RPS24: variants seen among roughly 807,000 people sequenced by gnomAD.
RPS24 encodes ribosomal protein S24, also known as small ribosomal subunit protein eS24.
For missense variants in RPS24, 100 were observed against 162.5 expected (o/e 0.62, Z 2.09); for synonymous variants, 72 against 55.6 (o/e 1.30, Z -1.31).
chr10:78,055,188 C>A, exon 5 of RPS24: 1 of 1,006,402 alleles, frequency 9.9e-7, no homozygotes, highest in Non-Finnish European at 1.3e-6. Context: ...CCTCCCCACG[C>A]CCCCACAATC....
At position 78,040,191 on chromosome 10, in the gene RPS24, G is replaced by T; in HGVS notation, c.391-13G>T. 1 of 1,612,790 alleles carries T rather than the reference G, an allele frequency of 6.2e-7. No homozygotes were observed. Among genetic ancestry groups the T allele is most frequent in the South Asian group, 1.1e-5 (1 of 91,042 alleles). ...CCTCCTTTCTCTTTTTCCCTTCCCC[G>T]CCACTGATTCAGTGAGCTGGAGATT... is the stretch of plus-strand genomic sequence containing the variant. On this transcript the variant is annotated splice_polypyrimidine_tract_variant and intron_variant, in intron 4 of 5. Coordinates refer to ENST00000372360, the MANE Select transcript of RPS24 (RefSeq NM_033022.4).
chr10:78,044,554 GCT>G (rs1848022345), downstream of RPS24, among the ~76,000 whole-genome samples: 1 of 151,998 alleles, frequency 6.6e-6, no homozygotes, highest in Non-Finnish European at 1.5e-5. Flanking sequence ...TGGCAGAGAG[GCT>G]CTCCTGGGTT....
intron 1 of RPS24, 138 bp from the exon 2 acceptor site, chr10:78,035,214 C>T: frequency 1.2e-6 from 1 of 819,714 alleles, no homozygotes; most frequent in East Asian, 2.6e-5. Flanking sequence ...TGGCCTTGCC[C>T]AGTGGGTTTT....
chr10:78,054,800 C>T lies in RPS24; in HGVS notation c.660C>T (p.Ala220=). Residue 220 remains alanine (A), a synonymous_variant, in exon 5 of 5, where the codon GCC becomes GCT. Transcript: ENST00000440692. ...AGAGGGCACTGGTCAGAAACGGAGC[C>T]TTCATGTCGCCTGCCTCACCTGCTC... The T allele has an allele frequency of 5.8e-6, 9 of 1,551,670 alleles. No homozygotes were observed. Among genetic ancestry groups the T allele is most frequent in the South Asian group, 1.2e-5 (1 of 84,060 alleles).
chr10:78,054,970 G>A (rs1848136786), exon 5 of RPS24: 1 of 1,483,960 alleles, frequency 6.7e-7, no homozygotes, highest in South Asian at 1.4e-5. Context: ...GAATCCAGCT[G>A]CTTCTCCCCA....
At chr10:78,052,819 A>G (rs7073533) in intron 4 of RPS24, among the ~76,000 whole-genome samples, 8,350 of 152,218 alleles carry the variant, frequency 0.055, 776 homozygotes, top group African/African-American at 0.19. Context: ...TGTGAAGCAT[A>G]TGGGGAAATG....
chr10:78,048,729 G>A (rs1848069564), intron 4 of RPS24, among the ~76,000 whole-genome samples: 1 of 152,072 alleles, frequency 6.6e-6, no homozygotes, highest in Non-Finnish European at 1.5e-5. Flanking sequence ...ACAAAAATTA[G>A]CCGGGCATGG....
intron 4 of RPS24, among the ~76,000 whole-genome samples, chr10:78,050,311 A>T (rs76959658): frequency 6.6e-6 from 1 of 152,262 alleles, no homozygotes; most frequent in East Asian, 1.9e-4. Flanking sequence ...CAAGATGCTG[A>T]CTGGTCTGTC....
At chr10:78,054,700 G>A (rs1489166232) in exon 5 of RPS24, 16 of 1,551,594 alleles carry the variant, frequency 1.0e-5, no homozygotes, top group South Asian at 3.6e-5. Flanking sequence ...AGGGGCTGTG[G>A]CAAGTATTTA....
At chr10:78,044,496 C>T (rs902145625), downstream of RPS24, among the ~76,000 whole-genome samples, 1 of 152,098 alleles carries the variant, frequency 6.6e-6, no homozygotes, top group African/African-American at 2.4e-5. Context: ...AAATAGTCTT[C>T]AGGTTGGCTG....
exon 5 of RPS24, chr10:78,055,028 C>T: frequency 6.9e-7 from 1 of 1,456,880 alleles, no homozygotes; most frequent in Non-Finnish European, 9.1e-7. Flanking sequence ...GCCATGGCCG[C>T]CTTGCTGCAT....
chr10:78,042,311 A>G (rs1564630975), downstream of RPS24, among the ~76,000 whole-genome samples: 2 of 152,052 alleles, frequency 1.3e-5, no homozygotes, highest in African/African-American at 4.8e-5. Context: ...CTTCTCTTCC[A>G]TCTAGTCCAT....
At chr10:78,055,014 C>T in exon 5 of RPS24, 3 of 1,459,592 alleles carry the variant, frequency 2.1e-6, no homozygotes, top group Non-Finnish European at 2.7e-6. Context: ...CCACTAATGT[C>T]ACTGCCATGG....
downstream of RPS24, among the ~76,000 whole-genome samples, chr10:78,041,294 A>C (rs888500558): frequency 1.3e-5 from 2 of 152,176 alleles, no homozygotes; most frequent in Admixed American, 6.5e-5. Flanking sequence ...GTTTTGGAGA[A>C]AAGATGGTCA....
Position 78,037,354 on chromosome 10 carries a change from A to G in RPS24, c.390+50A>G, listed in dbSNP as rs780824038. 2.6e-6 allele frequency: 4 copies of G among 1,547,562 alleles called. No individual in the cohort carries two copies. In the East Asian group the frequency reaches 9.7e-5, roughly 37 times the overall value. On this transcript the variant is annotated intron_variant, in intron 4 of 5. Coordinates refer to ENST00000372360, the MANE Select transcript of RPS24 (RefSeq NM_033022.4). ...GAAACGTCATTAATTGTAGGTCTTT[A>G]GTTTCTAGGAAAGAAGGGATCTTAT...
downstream of RPS24, among the ~76,000 whole-genome samples, chr10:78,044,291 G>C (rs1375670632): frequency 6.6e-6 from 1 of 152,140 alleles, no homozygotes; most frequent in East Asian, 1.9e-4. Flanking sequence ...AAAGCAGGGA[G>C]ATGGGAGCAG....
At chr10:78,040,810 C>T (rs1288291973), downstream of RPS24, 1 of 770,792 alleles carries the variant, frequency 1.3e-6, no homozygotes, top group Non-Finnish European at 2.2e-6. Context: ...TCAGTGAAAA[C>T]TTAATGTCAT....
At chr10:78,056,369 C>G (rs1164744280) in exon 5 of RPS24, 1 of 152,098 alleles carries the variant, frequency 6.6e-6, no homozygotes, top group Admixed American at 6.6e-5. Flanking sequence ...TTCTATTCCC[C>G]TTCTGCTCCC....
At chr10:78,037,493 G>A in intron 4 of RPS24, 189 bp downstream of exon 4, 1 of 939,188 alleles carries the variant, frequency 1.1e-6, no homozygotes, top group Non-Finnish European at 1.5e-6. Flanking sequence ...CCTCAGTAAA[G>A]TAGCTTGGCC....
Sources: allele counts gnomAD v4.1 joint callset (sites outside exome capture counted in the v4.1 genomes callset), GRCh38; gene constraint gnomAD v4.1.1; transcripts MANE v1.5; gene names NCBI Gene and HGNC (gene_info 2026-07-23, HGNC 2026-07-21).